DDX6: variants seen among roughly 807,000 people sequenced by gnomAD.
The protein encoded by DDX6 is probable ATP-dependent RNA helicase DDX6.
A neutral mutation model predicts 60.6 loss-of-function variants in DDX6; 7 were observed. That is an observed-to-expected ratio of 0.12 (90% confidence interval 0.07 to 0.22). DDX6 has a LOEUF of 0.22. Among genes scored for constraint, DDX6 ranks in the 10% least tolerant of loss-of-function variants. The probability of loss-of-function intolerance (pLI) is 1.00; values close to 1 mark genes in which losing one functional copy is unlikely to be tolerated. For synonymous variants in DDX6, 207 were observed against 201.0 expected (o/e 1.03, Z -0.25); for missense variants, 270 against 589.9 (o/e 0.46, Z 5.62).
At chr11:118,757,123 G>A in intron 10 of DDX6, 48 bp downstream of exon 10, 1 of 981,040 alleles carries the variant, frequency 1.0e-6, no homozygotes, top group Non-Finnish European at 1.5e-6. Context: ...ACAAAATAAA[G>A]AAAGAGATTT....
At chr11:118,776,534 C>G (rs1317906712) in intron 4 of DDX6, among the ~76,000 whole-genome samples, 1 of 152,146 alleles carries the variant, frequency 6.6e-6, no homozygotes, top group East Asian at 1.9e-4. Flanking sequence ...TGTAAAGGAA[C>G]TCTCATAAGA....
At chr11:118,771,560 A>G (rs1861535536) in intron 4 of DDX6, among the ~76,000 whole-genome samples, 1 of 152,240 alleles carries the variant, frequency 6.6e-6, no homozygotes, top group Non-Finnish European at 1.5e-5. Context: ...AGAGAATTCA[A>G]GTCAAGTTCA....
At position 118,749,358 on chromosome 11, in the gene DDX6, G is replaced by GAAAAAAAAAAAAAAAAAAA. The variant is rs386375042; in HGVS notation, c.*2728_*2746dup. On this transcript the variant is annotated 3_prime_UTR_variant, in exon 14 of 14. Coordinates refer to ENST00000534980, the MANE Select transcript of DDX6 (RefSeq NM_004397.6). ...TTATTATGAGGGCCCAAAAAAGAAAGAAAAAAAAAAAAAAAAAAAAAAAGA... is the reference window on the plus strand; with the variant it reads ...TTATTATGAGGGCCCAAAAAAGAAAGAAAAAAAAAAAAAAAAAAAAAAAAAAAAAAAAAAAAAAAAAAGA... 3.3e-5 allele frequency: 3 copies of GAAAAAAAAAAAAAAAAAAA among 91,790 alleles called. No homozygotes were observed. Among genetic ancestry groups the GAAAAAAAAAAAAAAAAAAA allele is most frequent in the Admixed American group, 1.4e-4 (1 of 7,166 alleles). 5.7% of individuals were successfully genotyped at this position (91,790 alleles called of 1,614,324 possible).
intron 4 of DDX6, among the ~76,000 whole-genome samples, chr11:118,775,059 A>T: frequency 6.6e-6 from 1 of 152,172 alleles, no homozygotes; most frequent in African/African-American, 2.4e-5. Flanking sequence ...TCACGCCTGT[A>T]ATTCCAGTAC....
intron 4 of DDX6, among the ~76,000 whole-genome samples, chr11:118,773,897 C>A (rs1427923088): frequency 1.3e-5 from 2 of 151,324 alleles, no homozygotes; most frequent in Non-Finnish European, 2.9e-5. Flanking sequence ...ACAAAAAAAA[C>A]CTTTGAGTTT....
intron 2 of DDX6, 172 bp downstream of exon 2, chr11:118,785,880 C>T (rs1862057317): frequency 1.9e-6 from 1 of 537,014 alleles, no homozygotes; most frequent in East Asian, 3.2e-5. Context: ...CAAATTATGG[C>T]AGAAATATAT....
intron 4 of DDX6, among the ~76,000 whole-genome samples, chr11:118,777,900 A>AAG (rs1861755065): frequency 2.7e-5 from 4 of 150,732 alleles, no homozygotes; most frequent in Non-Finnish European, 5.9e-5. Flanking sequence ...AAAAAGAGAA[A>AAG]AAAAAAAAAA....
At chr11:118,787,021 T>A (rs985396424) in intron 1 of DDX6, 9 of 152,198 alleles carry the variant, frequency 5.9e-5, no homozygotes, top group African/African-American at 1.9e-4. Context: ...AACACCTTTG[T>A]GCCCTTACAA....
chr11:118,779,620 G>A lies in DDX6; in HGVS notation c.369+12C>T, dbSNP rs782083543. Reference sequence around the variant, plus strand: ...CATAACCTTACATATGTGATAAAAAGGGTTAACATACCTGAATAGGAGATG... The same window carrying A: ...CATAACCTTACATATGTGATAAAAAAGGTTAACATACCTGAATAGGAGATG... On this transcript the variant is annotated intron_variant, in intron 4 of 13. Coordinates refer to ENST00000534980, the MANE Select transcript of DDX6 (RefSeq NM_004397.6). 1.2e-5 allele frequency: 19 copies of A among 1,560,572 alleles called. No individual in the cohort carries two copies. The highest frequency in any genetic ancestry group is 1.6e-5 in the Non-Finnish European group (18 of 1,137,814).
chr11:118,775,081 G>T (rs976121460), intron 4 of DDX6, among the ~76,000 whole-genome samples: 1 of 152,148 alleles, frequency 6.6e-6, no homozygotes, highest in Non-Finnish European at 1.5e-5. Context: ...TTGGGAGGCC[G>T]AGGAGAGTGG....
intron 11 of DDX6, among the ~76,000 whole-genome samples, chr11:118,756,029 C>CAA (rs1209323032): frequency 1.3e-4 from 12 of 95,034 alleles, no homozygotes; most frequent in South Asian, 3.7e-4. Flanking sequence ...CCCCCCCCCC[C>CAA]AAAAAAAAGA....
intron 2 of DDX6, among the ~76,000 whole-genome samples, chr11:118,783,862 T>G (rs1861985303): frequency 6.9e-6 from 1 of 143,946 alleles, no homozygotes; most frequent in Non-Finnish European, 1.5e-5. Context: ...ACATGTGTAA[T>G]CCCAGCACTG....
rs1243908129 is a variant in DDX6 at position 118,751,733 on chromosome 11, T to G, written c.*372A>C. 3.4e-6 allele frequency: 1 copy of G among 293,602 alleles called. No homozygotes were observed. Among genetic ancestry groups the G allele is most frequent in the Non-Finnish European group, 6.7e-6 (1 of 149,690 alleles). The allele number at this position is 293,602 out of a possible 1,614,324, so 18.2% of individuals were successfully genotyped here. Reference sequence around the variant, plus strand: ...GAAGTTGAAATGCACGAGAGTCAGCTGTTGGAGAATTTTGAAATCATTGAC... The same window carrying G: ...GAAGTTGAAATGCACGAGAGTCAGCGGTTGGAGAATTTTGAAATCATTGAC... On this transcript the variant is annotated 3_prime_UTR_variant, in exon 14 of 14. Transcript: ENST00000534980.
chr11:118,785,965 A>G, intron 2 of DDX6, 87 bp downstream of exon 2: 1 of 1,264,306 alleles, frequency 7.9e-7, no homozygotes, highest in Non-Finnish European at 1.1e-6. Context: ...TGGTTAAATT[A>G]AGGCATAAGT....
chr11:118,762,594 G>A (rs1479390424), intron 7 of DDX6, among the ~76,000 whole-genome samples: 1 of 152,090 alleles, frequency 6.6e-6, no homozygotes, highest in Non-Finnish European at 1.5e-5. Context: ...TGCTGCTGAT[G>A]CCCAGCATCA....
At chr11:118,780,538 AACTCCTGACCTCAGGTG>A (rs1276945018) in intron 3 of DDX6, among the ~76,000 whole-genome samples, 1 of 152,060 alleles carries the variant, frequency 6.6e-6, no homozygotes, top group Non-Finnish European at 1.5e-5. Context: ...GCTGGTCTTG[AACTCCTGACCTCAGGTG>A]ATCCGCCTGC....
chr11:118,786,297 G>C lies in DDX6; in HGVS notation c.-46C>G. Reference sequence around the variant, plus strand: ...CTTTCAAACTTCAAAACTTTTGAAAGTCAGTAGAGAAACTGTAATAACAGT... The same window carrying C: ...CTTTCAAACTTCAAAACTTTTGAAACTCAGTAGAGAAACTGTAATAACAGT... On this transcript the variant is annotated 5_prime_UTR_variant, in exon 2 of 14. Coordinates refer to ENST00000534980, the MANE Select transcript of DDX6 (RefSeq NM_004397.6). 1 of 1,522,618 alleles carries C rather than the reference G, an allele frequency of 6.6e-7. No homozygotes were observed. The highest frequency in any genetic ancestry group is 1.4e-5 in the African/African-American group (1 of 72,180). The allele number at this position is 1,522,618 out of a possible 1,614,324, so 94.3% of individuals were successfully genotyped here.
chr11:118,784,043 G>A (rs1277995483), intron 2 of DDX6, among the ~76,000 whole-genome samples: 3 of 142,318 alleles, frequency 2.1e-5, no homozygotes, highest in South Asian at 4.4e-4. Context: ...AGCCATGATC[G>A]TGCCACCATA....
chr11:118,752,218 C>CTATA (rs1367823262), intron 13 of DDX6, 121 bp from the exon 14 acceptor site: 1 of 158,114 alleles, frequency 6.3e-6, no homozygotes, highest in Non-Finnish European at 1.4e-5. Context: ...CCTGTGCCTA[C>CTATA]TATAGAATCT....
Sources: gnomAD v4.1 joint callset for allele counts (sites outside exome capture counted in the v4.1 genomes callset) on GRCh38, gnomAD v4.1.1 for gene constraint, MANE v1.5 for transcripts, NCBI Gene and HGNC (gene_info 2026-07-23, HGNC 2026-07-21) for gene names.